The following RBBP4 variants were observed in gnomAD, a reference collection of about 807,000 sequenced individuals.
RBBP4 encodes the protein histone-binding protein RBBP4.
RBBP4 carries 3 observed loss-of-function variants against 57.2 expected under a neutral mutation model. The observed-to-expected ratio is 0.05, with a 90% confidence interval of 0.02 to 0.14. The LOEUF is 0.14. Ranked by LOEUF, RBBP4 falls within the 10% of genes least tolerant of loss-of-function variation. The pLI is 1.00. For synonymous variants in RBBP4, 151 were observed against 171.5 expected, an observed-to-expected ratio of 0.88 and a Z score of 0.93; for missense variants, 107 against 520.6, an observed-to-expected ratio of 0.21 and a Z score of 7.73.
Position 32,680,265 on chromosome 1 carries a change from T to C in RBBP4, c.*560T>C, listed in dbSNP as rs1649340748. On this transcript the variant is annotated 3_prime_UTR_variant, in exon 12 of 12. Coordinates refer to ENST00000373493, the MANE Select transcript of RBBP4 (RefSeq NM_005610.3). ...CAACACGTTCCTCTTTCCCCATATA[T>C]TCATATATTTTTGCTCGTTAGTGTA... is the stretch of plus-strand genomic sequence containing the variant. 8.2e-7 allele frequency: 1 copy of C among 1,223,206 alleles called. No homozygotes were observed. The highest frequency in any genetic ancestry group is 1.6e-5 in the African/African-American group (1 of 63,190). 75.8% of individuals were successfully genotyped at this position (1,223,206 alleles called of 1,614,324 possible). A position where few individuals can be genotyped will look rare whatever the true frequency, so the allele number is the denominator to read the frequency against.
chr1:32,672,721 G>A (rs1357860062), intron 10 of RBBP4, 22 bp downstream of exon 10: 6 of 1,611,350 alleles, frequency 3.7e-6, no homozygotes, highest in Non-Finnish European at 5.1e-6. Flanking sequence ...GCATTGGACA[G>A]TACTGAAATA....
intron 3 of RBBP4, among the ~76,000 whole-genome samples, chr1:32,659,007 AG>A (rs1254942001): frequency 1.4e-5 from 2 of 147,558 alleles, no homozygotes; most frequent in Non-Finnish European, 3.0e-5. Context: ...TGTAAAATAT[AG>A]TTATATATAA....
rs1260448743 is a variant in RBBP4, at chr1:32,651,274, G to C, written c.-33G>C. ...CCTCCCCGCCCCTCCCGCAACGCTC[G>C]ACCCCAGGATTCCCCCGGCTCGCCT... On this transcript the variant is annotated 5_prime_UTR_variant, in exon 1 of 12. Transcript: ENST00000373493. The C allele has an allele frequency of 2.7e-6, 4 of 1,503,618 alleles. No individual in the cohort carries two copies. Among genetic ancestry groups the C allele is most frequent in the African/African-American group, 1.5e-5 (1 of 68,736 alleles). The allele number at this position is 1,503,618 out of a possible 1,614,324, so 93.1% of individuals were successfully genotyped here.
intron 11 of RBBP4, among the ~76,000 whole-genome samples, chr1:32,677,120 C>A: frequency 6.6e-6 from 1 of 152,072 alleles, no homozygotes; most frequent in Admixed American, 6.6e-5. Context: ...TTGCAGAGTG[C>A]TAGGAGTGTC....
At chr1:32,667,891 CTA>C (rs1648722049) in intron 3 of RBBP4, among the ~76,000 whole-genome samples, 1 of 152,048 alleles carries the variant, frequency 6.6e-6, no homozygotes, top group Admixed American at 6.6e-5. Context: ...TATAAATAGA[CTA>C]TATTGTTCGG....
intron 1 of RBBP4, 95 bp from the exon 2 acceptor site, chr1:32,651,819 C>T: frequency 7.3e-7 from 1 of 1,361,786 alleles, no homozygotes; most frequent in Non-Finnish European, 1.0e-6. Context: ...ACCTCCATTT[C>T]ATGGTTAGGC....
chr1:32,651,312 C>G lies in RBBP4; in HGVS notation c.6C>G (p.Ala2=), dbSNP rs767898881. The G allele has an allele frequency of 2.3e-5, 34 of 1,470,350 alleles. No individual in the cohort carries two copies. The highest frequency in any genetic ancestry group is 3.0e-5 in the African/African-American group (2 of 67,514). The allele number at this position is 1,470,350 out of a possible 1,614,324, so 91.1% of individuals were successfully genotyped here. A position where few individuals can be genotyped will look rare whatever the true frequency, so the allele number is the denominator to read the frequency against. ...CCCCGGCTCGCCTGCCCGCCATGGCCGACAAGGAAGGTGAGGGTGCCGGGG... is the reference window on the plus strand; with the variant it reads ...CCCCGGCTCGCCTGCCCGCCATGGCGGACAAGGAAGGTGAGGGTGCCGGGG... The part of the protein sequence containing the change: M[A]DKEAAFDDAV... Residue 2 remains alanine (A), a synonymous_variant, in exon 1 of 12, where the codon GCC becomes GCG. Transcript: ENST00000373493.
At chr1:32,651,811 C>G (rs914047490) in intron 1 of RBBP4, 103 bp from the exon 2 acceptor site, 3 of 1,321,910 alleles carry the variant, frequency 2.3e-6, no homozygotes, top group Non-Finnish European at 2.1e-6. Flanking sequence ...GACAAATCAC[C>G]TCCATTTCAT....
chr1:32,665,884 A>G (rs1209192240), intron 3 of RBBP4, among the ~76,000 whole-genome samples: 1 of 152,122 alleles, frequency 6.6e-6, no homozygotes, highest in African/African-American at 2.4e-5. Flanking sequence ...AACTTTTGCA[A>G]CCGTACCATG....
At chr1:32,656,027 A>G (rs1244047127) in intron 2 of RBBP4, among the ~76,000 whole-genome samples, 1 of 152,218 alleles carries the variant, frequency 6.6e-6, no homozygotes, top group Non-Finnish European at 1.5e-5. Flanking sequence ...AGTATGGAGT[A>G]CAGAATGCCT....
At position 32,652,077 on chromosome 1, in the gene RBBP4, C is replaced by T. The variant is rs781155942; in HGVS notation, c.164+16C>T. On this transcript the variant is annotated intron_variant, in intron 2 of 11. Coordinates refer to ENST00000373493, the MANE Select transcript of RBBP4 (RefSeq NM_005610.3). The stretch of plus-strand genomic sequence containing the variant: ...ATGTAACCAGGTGACATGACTCTCC[C>T]GAACGTTATTTTGATGTATTTTCAG... 1.9e-6 allele frequency: 3 copies of T among 1,600,940 alleles called. No individual in the cohort carries two copies. The highest frequency in any genetic ancestry group is 1.7e-6 in the Non-Finnish European group (2 of 1,173,328).
At chr1:32,656,012 G>T (rs1020536695) in intron 2 of RBBP4, among the ~76,000 whole-genome samples, 2 of 152,124 alleles carry the variant, frequency 1.3e-5, no homozygotes, top group African/African-American at 2.4e-5. Context: ...GGATGCCCTT[G>T]ACCCAGTATG....
intron 3 of RBBP4, among the ~76,000 whole-genome samples, chr1:32,661,302 C>CTTT (rs4011923): frequency 1.5e-5 from 2 of 137,440 alleles, no homozygotes; most frequent in Non-Finnish European, 3.0e-5. Flanking sequence ...TTTTTAGTTC[C>CTTT]TTTTTTTTTT....
intron 3 of RBBP4, chr1:32,662,136 G>T: frequency 4.3e-6 from 1 of 235,188 alleles, no homozygotes; most frequent in Non-Finnish European, 9.1e-6. Flanking sequence ...TGCTAGCCTT[G>T]GCCTCCCAGA....
chr1:32,672,720 A>C, intron 10 of RBBP4, 21 bp downstream of exon 10: 1 of 1,611,928 alleles, frequency 6.2e-7, no homozygotes, highest in East Asian at 2.2e-5. Context: ...AGCATTGGAC[A>C]GTACTGAAAT....
chr1:32,668,741 C>G lies in RBBP4; in HGVS notation c.487C>G (p.Pro163Ala), dbSNP rs772775387. 4 of 1,611,540 alleles carry G rather than the reference C, an allele frequency of 2.5e-6. No homozygotes were observed. Among genetic ancestry groups the G allele is most frequent in the Non-Finnish European group, 3.4e-6 (4 of 1,179,202 alleles). ...DYTKHPSKPD[P>A]SGECNPDLRL... ...TTGATGTGTCTGTCACTTTGCAGAT[C>G]CTTCTGGAGAGTGCAACCCAGACTT... Residue 163 changes from proline (P) to alanine (A), a missense_variant and splice_region_variant, in exon 5 of 12, where the codon CCT becomes GCT. This residue lies in a region of RBBP4 where 92 missense variants were observed against 408.5 expected (regional missense o/e 0.23). Transcript: ENST00000373493.
Position 32,684,412 on chromosome 1 carries a change from T to C in RBBP4, c.*4707T>C, listed in dbSNP as rs1649673866. 3 of 1,613,560 alleles carry C rather than the reference T, an allele frequency of 1.9e-6. No individual in the cohort carries two copies. The highest frequency in any genetic ancestry group is 2.5e-6 in the Non-Finnish European group (3 of 1,179,766). The stretch of plus-strand genomic sequence containing the variant: ...ATGAGATGGCCAAGAACATTTCTAA[T>C]GAGCCAAACAATAAAAACTCACATT... On this transcript the variant is annotated 3_prime_UTR_variant, in exon 12 of 12. Transcript: ENST00000373493.
In RBBP4 at chr1:32,681,397, G is replaced by T. The variant is rs530669242; in HGVS notation, c.*1692G>T. On this transcript the variant is annotated 3_prime_UTR_variant, in exon 12 of 12. Transcript: ENST00000373493. Reference sequence around the variant, plus strand: ...AAATTCTAACACTCGTGGCACAAAAGAATGGAAATTGTAAACCCATGTAAT... The same window carrying T: ...AAATTCTAACACTCGTGGCACAAAATAATGGAAATTGTAAACCCATGTAAT... 73 of 163,934 alleles carry T rather than the reference G, an allele frequency of 4.5e-4. No homozygotes were observed. The highest frequency in any genetic ancestry group is 1.6e-3 in the African/African-American group (68 of 42,006). The allele number at this position is 163,934 out of a possible 1,614,324, so 10.2% of individuals were successfully genotyped here.
chr1:32,660,491 A>G (rs1648356570), intron 3 of RBBP4, among the ~76,000 whole-genome samples: 1 of 151,578 alleles, frequency 6.6e-6, no homozygotes, highest in Non-Finnish European at 1.5e-5. Flanking sequence ...ATCTCTGCTC[A>G]CTGCAACCTC....
Sources: gnomAD v4.1 joint callset for allele counts (sites outside exome capture counted in the v4.1 genomes callset) on GRCh38, gnomAD v4.1.1 for gene constraint, gnomAD v4.1.1 regional missense constraint, MANE v1.5 for transcripts, NCBI Gene and HGNC (gene_info 2026-07-23, HGNC 2026-07-21) for gene names.